The following NAV2 variants were observed in gnomAD, a reference collection of about 807,000 sequenced individuals.
NAV2 encodes neuron navigator 2.
A neutral mutation model predicts 223.2 loss-of-function variants in NAV2; 54 were observed. The ratio of observed to expected loss-of-function variants is 0.24; its 90% CI spans 0.19 to 0.30. The LOEUF (loss-of-function observed/expected upper bound fraction) is 0.30. Ranked by LOEUF, NAV2 falls within the 10% of genes least tolerant of loss-of-function variation. The probability of loss-of-function intolerance (pLI) is 1.00; values close to 1 mark genes in which losing one functional copy is unlikely to be tolerated. For missense variants in NAV2, 2,806 were observed against 3,147.5 expected, an observed-to-expected ratio of 0.89 and a Z score of 2.60; for synonymous variants, 1,279 against 1,239.3, an observed-to-expected ratio of 1.03 and a Z score of -0.67.
chr11:19,831,716 T>TTTC (rs2059952410), intron 1 of NAV2, among the ~76,000 whole-genome samples: 2 of 152,200 alleles, frequency 1.3e-5, no homozygotes, highest in Admixed American at 6.5e-5. Flanking sequence ...CTGACCATTC[T>TTTC]GTGACCAGGA....
At chr11:19,495,697 A>G (rs2042771583) in intron 1 of NAV2, among the ~76,000 whole-genome samples, 1 of 152,194 alleles carries the variant, frequency 6.6e-6, no homozygotes, top group Admixed American at 6.5e-5. Context: ...GGGAATATAA[A>G]CAAAAAAATT....
chr11:20,084,690 A>C (rs2060306427), intron 26 of NAV2, among the ~76,000 whole-genome samples: 4 of 152,292 alleles, frequency 2.6e-5, no homozygotes, highest in Admixed American at 2.6e-4. Flanking sequence ...GTCCTCCTCC[A>C]TCTGCAGAGT....
At chr11:19,348,749 T>A (rs1161314137), upstream of NAV2, among the ~76,000 whole-genome samples, 2 of 152,234 alleles carry the variant, frequency 1.3e-5, no homozygotes, top group South Asian at 2.1e-4. Flanking sequence ...TTTCCAATTT[T>A]GTGTGGTATC....
intron 22 of NAV2, among the ~76,000 whole-genome samples, chr11:20,072,853 T>C (rs1428187537): frequency 6.6e-6 from 1 of 152,212 alleles, no homozygotes; most frequent in African/African-American, 2.4e-5. Flanking sequence ...GATGGGGTTT[T>C]CTAAACATAC....
intron 22 of NAV2, among the ~76,000 whole-genome samples, chr11:20,074,279 T>G (rs1281697394): frequency 2.0e-5 from 3 of 152,344 alleles, no homozygotes; most frequent in South Asian, 2.1e-4. Flanking sequence ...CTAATTTGAT[T>G]GCACTGTGGT....
intron 1 of NAV2, among the ~76,000 whole-genome samples, chr11:19,758,771 G>A (rs950745939): frequency 2.0e-5 from 3 of 152,166 alleles, no homozygotes; most frequent in South Asian, 4.1e-4. Flanking sequence ...TGGTTGTGGT[G>A]CTGGTGCATG....
intron 32 of NAV2, among the ~76,000 whole-genome samples, chr11:20,102,325 A>C (rs1380832104): frequency 2.0e-5 from 3 of 152,088 alleles, no homozygotes; most frequent in Non-Finnish European, 2.9e-5. Flanking sequence ...TAGGAGATGG[A>C]GAAGATGTTA....
intron 1 of NAV2, among the ~76,000 whole-genome samples, chr11:19,407,502 G>A (rs1441621046): frequency 6.6e-6 from 1 of 152,204 alleles, no homozygotes; most frequent in Admixed American, 6.5e-5. Flanking sequence ...GTAAGCAGGT[G>A]CGAGAACATG....
intron 1 of NAV2, among the ~76,000 whole-genome samples, chr11:19,566,959 G>T (rs774109123): frequency 3.3e-5 from 5 of 152,224 alleles, no homozygotes; most frequent in Non-Finnish European, 7.4e-5. Flanking sequence ...TATGAAAAAG[G>T]TCTACACTTT....
rs1327344687 is a variant in NAV2 at position 19,360,860 on chromosome 11, G to A, written c.75+9833G>A. ...CTGTCCTCGCAAAGCTCAGTCCAAT[G>A]GAGCAAACAGGCATCAAGTGGATAC... On this transcript the variant is annotated intron_variant, in intron 1 of 37. Transcript: ENST00000360655. Among the ~76,000 whole-genome samples the A allele has an allele frequency of 2.0e-5, 3 of 152,134 alleles. No individual in the cohort carries two copies. In the East Asian group the frequency reaches 5.8e-4, roughly 29 times the overall value.
intron 6 of NAV2, among the ~76,000 whole-genome samples, chr11:19,895,618 T>TG: frequency 6.6e-6 from 1 of 152,230 alleles, no homozygotes; most frequent in South Asian, 2.1e-4. Context: ...GCTGTGACGA[T>TG]GGAAAACTCC....
intron 1 of NAV2, among the ~76,000 whole-genome samples, chr11:19,822,613 G>A (rs1192420468): frequency 2.0e-5 from 3 of 152,122 alleles, no homozygotes; most frequent in Admixed American, 1.3e-4. Flanking sequence ...GCTTCTAGGT[G>A]GGCAGGTATT....
chr11:19,735,168 C>A (rs1231754580), intron 1 of NAV2, among the ~76,000 whole-genome samples: 3 of 152,200 alleles, frequency 2.0e-5, no homozygotes, highest in African/African-American at 7.2e-5. Flanking sequence ...TCGTGCCAGG[C>A]CCACTGTGAA....
intron 1 of NAV2, among the ~76,000 whole-genome samples, chr11:19,555,531 C>T (rs1368074687): frequency 2.0e-5 from 3 of 152,186 alleles, no homozygotes; most frequent in African/African-American, 7.2e-5. Context: ...TGAACTCCAA[C>T]CCGTATGAGT....
At chr11:19,739,606 A>C (rs2052619940) in intron 1 of NAV2, among the ~76,000 whole-genome samples, 1 of 152,126 alleles carries the variant, frequency 6.6e-6, no homozygotes, top group Non-Finnish European at 1.5e-5. Context: ...TGGTTTAGAA[A>C]ATTTTTAAAA....
intron 1 of NAV2, among the ~76,000 whole-genome samples, chr11:19,585,031 T>A (rs1415845495): frequency 6.6e-6 from 1 of 152,198 alleles, no homozygotes; most frequent in African/African-American, 2.4e-5. Flanking sequence ...TTTGTAGGTC[T>A]CTAAGGACTT....
At chr11:20,063,371 CTA>C (rs1159244488) in intron 20 of NAV2, among the ~76,000 whole-genome samples, 2 of 151,646 alleles carry the variant, frequency 1.3e-5, no homozygotes, top group East Asian at 3.9e-4. Context: ...TAGCTGTACA[CTA>C]TTTATTTTAT....
intron 12 of NAV2, among the ~76,000 whole-genome samples, chr11:20,041,263 C>T (rs1026509838): frequency 3.3e-5 from 5 of 152,156 alleles, no homozygotes; most frequent in Non-Finnish European, 7.4e-5. Flanking sequence ...CAGTTAGACT[C>T]CCTGAATTCC....
chr11:19,419,007 T>A (rs1193574230), intron 1 of NAV2, among the ~76,000 whole-genome samples: 1 of 151,950 alleles, frequency 6.6e-6, no homozygotes, highest in East Asian at 1.9e-4. Context: ...CAGTAGTGAG[T>A]GCAGTAATAG....
Sources: gnomAD v4.1 joint callset for allele counts (sites outside exome capture counted in the v4.1 genomes callset) on GRCh38, gnomAD v4.1.1 for gene constraint, MANE v1.5 for transcripts, NCBI Gene and HGNC (gene_info 2026-07-23, HGNC 2026-07-21) for gene names.